Variants in GMPS observed in about 807,000 individuals in gnomAD.
GMPS encodes the protein GMP synthase [glutamine-hydrolyzing].
Under a neutral mutation model 77.9 loss-of-function variants are expected in GMPS, and 15 were observed. The observed-to-expected ratio is 0.19, with a 90% confidence interval of 0.13 to 0.30. The LOEUF (loss-of-function observed/expected upper bound fraction) is 0.30, where lower values mean the gene tolerates loss of function less well. GMPS is among the 10% of genes least tolerant of loss of function. The probability of loss-of-function intolerance (pLI) is 1.00; values close to 1 mark genes in which losing one functional copy is unlikely to be tolerated. For synonymous variants in GMPS, 224 were observed against 275.9 expected (o/e 0.81, Z 1.86); for missense variants, 590 against 838.8 (o/e 0.70, Z 3.66).
chr3:155,878,505 G>T (rs1301903425), intron 1 of GMPS, among the ~76,000 whole-genome samples: 1 of 152,094 alleles, frequency 6.6e-6, no homozygotes, highest in Non-Finnish European at 1.5e-5. Flanking sequence ...TCATGCTCTT[G>T]AGTATAAACC....
intron 1 of GMPS, among the ~76,000 whole-genome samples, chr3:155,884,317 C>T (rs1389577845): frequency 4.0e-5 from 6 of 148,912 alleles, no homozygotes; most frequent in African/African-American, 1.5e-4. Context: ...ACCTGGGAGG[C>T]AGAGGTTGCA....
chr3:155,928,044 T>TTTTTA (rs1755500728), intron 12 of GMPS, among the ~76,000 whole-genome samples: 1 of 144,002 alleles, frequency 6.9e-6, no homozygotes, highest in African/African-American at 2.6e-5. Context: ...TTTTTTTTTT[T>TTTTTA]GAGATGGAGT....
intron 1 of GMPS, 107 bp downstream of exon 1, chr3:155,871,004 G>A: frequency 9.7e-7 from 1 of 1,027,464 alleles, no homozygotes; most frequent in African/African-American, 1.7e-5. Flanking sequence ...CAGCCCGTCC[G>A]CGCAGCCCTG....
At chr3:155,885,164 A>G (rs1434081836) in intron 1 of GMPS, among the ~76,000 whole-genome samples, 1 of 152,246 alleles carries the variant, frequency 6.6e-6, no homozygotes, top group Non-Finnish European at 1.5e-5. Context: ...TTTTCAATGT[A>G]TGAAGTTATT....
chr3:155,901,098 T>C (rs1435098732), intron 3 of GMPS, among the ~76,000 whole-genome samples: 1 of 152,138 alleles, frequency 6.6e-6, no homozygotes, highest in African/African-American at 2.4e-5. Context: ...AAAAATAGAA[T>C]ATTGGTAGAG....
chr3:155,881,815 CA>C (rs1754212630), intron 1 of GMPS, among the ~76,000 whole-genome samples: 3 of 152,130 alleles, frequency 2.0e-5, no homozygotes, highest in Admixed American at 6.5e-5. Flanking sequence ...CCTGCAATCC[CA>C]GCACTTTGGG....
At position 155,922,179 on chromosome 3, in the gene GMPS, A is replaced by G. The variant is rs1375624882; in HGVS notation, c.1319-8A>G. 9.9e-6 allele frequency: 12 copies of G among 1,209,186 alleles called. No individual in the cohort carries two copies. Among genetic ancestry groups the G allele is most frequent in the African/African-American group, 1.6e-5 (1 of 64,498 alleles). The allele number at this position is 1,209,186 out of a possible 1,614,324, so 74.9% of individuals were successfully genotyped here. On this transcript the variant is annotated splice_region_variant and splice_polypyrimidine_tract_variant and intron_variant, in intron 10 of 15. Coordinates refer to ENST00000496455, the MANE Select transcript of GMPS (RefSeq NM_003875.3). ...AATGTTAAATACTATTATTACTCCTACCTTTAGGTCCTGGCCTGGCAATCA... is the reference window on the plus strand; with the variant it reads ...AATGTTAAATACTATTATTACTCCTGCCTTTAGGTCCTGGCCTGGCAATCA...
At position 155,912,784 on chromosome 3, in the gene GMPS, G is replaced by C. The variant is rs576666020; in HGVS notation, c.886+1505G>C. 3.9e-5 allele frequency among the ~76,000 whole-genome samples: 6 copies of C among 152,266 alleles called. No individual in the cohort carries two copies. In the South Asian group the frequency reaches 1.2e-3, roughly 32 times the overall value. ...TCACAACCTTGGGGTGGGGTGGGAA[G>C]GAAGCCAATAAAAAGCAAGCTGATT... On this transcript the variant is annotated intron_variant, in intron 7 of 15. Coordinates refer to ENST00000496455, the MANE Select transcript of GMPS (RefSeq NM_003875.3).
chr3:155,887,417 C>G (rs1050673431), intron 1 of GMPS, among the ~76,000 whole-genome samples: 1 of 152,038 alleles, frequency 6.6e-6, no homozygotes, highest in Non-Finnish European at 1.5e-5. Flanking sequence ...AATTTCTTGT[C>G]AAATGTTTAT....
intron 1 of GMPS, among the ~76,000 whole-genome samples, chr3:155,886,342 G>A (rs1262541435): frequency 2.0e-5 from 3 of 151,060 alleles, no homozygotes; most frequent in Non-Finnish European, 2.9e-5. Context: ...TTGGGAGGCC[G>A]AGGCGGGTGG....
At chr3:155,906,753 T>A (rs1754905241) in intron 5 of GMPS, among the ~76,000 whole-genome samples, 1 of 152,144 alleles carries the variant, frequency 6.6e-6, no homozygotes, top group African/African-American at 2.4e-5. Flanking sequence ...GAGCTAAGAA[T>A]GATTTTTACA....
At chr3:155,932,473 C>T (rs79707966) in intron 13 of GMPS, among the ~76,000 whole-genome samples, 8,298 of 152,198 alleles carry the variant, frequency 0.055, 318 homozygotes, top group East Asian at 0.18. Flanking sequence ...AGATTAATTT[C>T]CCTTTAATTT....
At chr3:155,871,847 T>G (rs1753914156) in intron 1 of GMPS, among the ~76,000 whole-genome samples, 2 of 152,230 alleles carry the variant, frequency 1.3e-5, no homozygotes, top group Admixed American at 1.3e-4. Flanking sequence ...TCACTTTTCT[T>G]AGACCGTTCC....
intron 13 of GMPS, among the ~76,000 whole-genome samples, chr3:155,932,383 A>G (rs1048995665): frequency 6.6e-6 from 1 of 152,114 alleles, no homozygotes; most frequent in African/African-American, 2.4e-5. Context: ...AGTAACCCCA[A>G]GGAAAAAAAT....
chr3:155,888,526 C>T (rs1205806973), intron 1 of GMPS, among the ~76,000 whole-genome samples: 12 of 151,598 alleles, frequency 7.9e-5, no homozygotes, highest in Non-Finnish European at 2.9e-5. Context: ...ACCTCCTGGG[C>T]TCCTCTCACC....
At chr3:155,905,788 C>T (rs867917312) in intron 4 of GMPS, among the ~76,000 whole-genome samples, 5 of 152,056 alleles carry the variant, frequency 3.3e-5, no homozygotes, top group African/African-American at 4.8e-5. Context: ...ATAAGACTAC[C>T]GAATGAAGTG....
At position 155,893,338 on chromosome 3, in the gene GMPS, A is replaced by G. The variant is rs901542009; in HGVS notation, c.28-180A>G. Among the ~76,000 whole-genome samples, 10 of 152,228 alleles carry G rather than the reference A, an allele frequency of 6.6e-5. 1 individual carries two copies. ...AAGTTTAAGTGTTTAATATATGCCC[A>G]TGCATGGATATATATTAAAATCTTC... On this transcript the variant is annotated intron_variant, in intron 1 of 15. Coordinates refer to ENST00000496455, the MANE Select transcript of GMPS (RefSeq NM_003875.3).
chr3:155,903,915 A>G lies in GMPS; in HGVS notation c.377A>G (p.Asp126Gly), dbSNP rs1217794061. ...GTVHKKSVRE[D>G]GVFNISVDNT... is the part of the protein sequence containing the mutation. ...GTGCACAAAAAAAGTGTCAGAGAAG[A>G]TGGAGTTTTCAACATTAGTGTGGAT... The change falls in exon 4 of 16, where the codon GAT becomes GGT. Residue 126 changes from aspartate (D) to glycine (G), a missense_variant. Asp to Gly is a moderately conservative substitution (Grantham distance 94). This residue lies in a region of GMPS where 136 missense variants were observed against 225.6 expected (regional missense o/e 0.60). Transcript: ENST00000496455. The G allele has an allele frequency of 1.3e-6, 2 of 1,559,162 alleles. No individual in the cohort carries two copies. Among genetic ancestry groups the G allele is most frequent in the Non-Finnish European group, 1.8e-6 (2 of 1,142,558 alleles).
chr3:155,918,032 T>C (rs896448446), intron 9 of GMPS, among the ~76,000 whole-genome samples: 6 of 152,264 alleles, frequency 3.9e-5, no homozygotes, highest in African/African-American at 1.2e-4. Flanking sequence ...GAGGAACTTA[T>C]TGTCCATAGC....
Sources: gnomAD v4.1 joint callset for allele counts (sites outside exome capture counted in the v4.1 genomes callset) on GRCh38, gnomAD v4.1.1 for gene constraint, gnomAD v4.1.1 regional missense constraint, MANE v1.5 for transcripts, NCBI Gene and HGNC (gene_info 2026-07-23, HGNC 2026-07-21) for gene names.